Variants in TBC1D19 observed in about 807,000 individuals in gnomAD.
TBC1D19 encodes TBC1 domain family, member 19.
In TBC1D19, 60 loss-of-function variants were observed where a neutral mutation model predicts 89.0. That is an observed-to-expected ratio of 0.67 (90% CI 0.55 to 0.84). TBC1D19 has a LOEUF of 0.84. Among genes scored for constraint, TBC1D19 ranks in the 40% least tolerant of loss-of-function variants. The probability of loss-of-function intolerance (pLI) is 0.00; values close to 1 mark genes in which losing one functional copy is unlikely to be tolerated. For synonymous variants in TBC1D19, 189 were observed against 199.7 expected, an observed-to-expected ratio of 0.95 and a Z score of 0.45; for missense variants, 500 against 610.8, an observed-to-expected ratio of 0.82 and a Z score of 1.91.
At position 26,614,448 on chromosome 4, in the gene TBC1D19, G is replaced by T; in HGVS notation, c.213G>T (p.Leu71=). The T allele has an allele frequency of 6.3e-7, 1 of 1,585,886 alleles. No homozygotes were observed. The highest frequency in any genetic ancestry group is 1.2e-5 in the South Asian group (1 of 82,530). Reference sequence around the variant, plus strand: ...TTCAGAATGCTGTTTATAGTGAACTGAGTGTGTGAGTTTTCCCACCTATTT... The same window carrying T: ...TTCAGAATGCTGTTTATAGTGAACTTAGTGTGTGAGTTTTCCCACCTATTT... ...KKLQNAVYSE[L]SVFPLPSHPA... The change falls in exon 3 of 21, where the codon CTG becomes CTT. Residue 71 remains leucine, a synonymous_variant. Coordinates refer to ENST00000264866, the MANE Select transcript of TBC1D19 (RefSeq NM_018317.4).
chr4:26,765,924 GT>G, the TBC1D19 span, among the ~76,000 whole-genome samples: 1 of 151,988 alleles, frequency 6.6e-6, no homozygotes, highest in African/African-American at 2.4e-5. Context: ...TCACTGCAAG[GT>G]TTTTTTGAAA....
the TBC1D19 span, among the ~76,000 whole-genome samples, chr4:26,805,718 G>A: frequency 1.3e-5 from 2 of 152,228 alleles, no homozygotes; most frequent in Non-Finnish European, 2.9e-5. Context: ...AAATCAGGCC[G>A]GGCACAGTGG....
chr4:26,584,878 T>A (rs1238169173), intron 1 of TBC1D19: 1 of 179,842 alleles, frequency 5.6e-6, no homozygotes, highest in East Asian at 1.7e-4. Context: ...TTGTGACTCA[T>A]ATAAATGAAA....
At chr4:26,842,499 G>C in the TBC1D19 span, among the ~76,000 whole-genome samples, 2 of 150,292 alleles carry the variant, frequency 1.3e-5, no homozygotes, top group African/African-American at 4.9e-5. Flanking sequence ...CACCACACCT[G>C]GCTTTCCTTC....
At chr4:26,700,903 A>G (rs1008643713) in intron 13 of TBC1D19, among the ~76,000 whole-genome samples, 4 of 152,184 alleles carry the variant, frequency 2.6e-5, no homozygotes, top group African/African-American at 7.2e-5. Context: ...TTTTAAAAAC[A>G]CTAATCAATT....
At chr4:26,849,201 AACACACACACAC>A in the TBC1D19 span, among the ~76,000 whole-genome samples, 6 of 149,178 alleles carry the variant, frequency 4.0e-5, no homozygotes, top group East Asian at 4.0e-4. Flanking sequence ...CACACACACA[AACACACACACAC>A]ACACACACAC....
At chr4:26,832,673 G>A in the TBC1D19 span, among the ~76,000 whole-genome samples, 6 of 152,078 alleles carry the variant, frequency 3.9e-5, no homozygotes, top group Non-Finnish European at 5.9e-5. Flanking sequence ...TGAATGAAAG[G>A]CTACCAAAAA....
chr4:26,734,994 A>G lies in TBC1D19; in HGVS notation c.1085-461A>G, dbSNP rs377178073. On this transcript the variant is annotated intron_variant, in intron 15 of 20. Transcript: ENST00000264866. ...TGTATACACATATGTATATGTATAT[A>G]TGTATACACATATGTATATGTGTAT... Among the ~76,000 whole-genome samples, 16 of 104,498 alleles carry G rather than the reference A, an allele frequency of 1.5e-4. No individual in the cohort carries two copies. The East Asian group carries it at 1.9e-3, about 12-fold the overall frequency. The allele number at this position is 104,498 out of a possible 152,430, so 68.6% of individuals were successfully genotyped here.
chr4:26,852,745 G>A, the TBC1D19 span, among the ~76,000 whole-genome samples: 33 of 151,770 alleles, frequency 2.2e-4, no homozygotes, highest in African/African-American at 7.0e-4. Flanking sequence ...TCAGCCTCCC[G>A]AGTAGCTGGG....
At chr4:26,770,093 ACT>A in the TBC1D19 span, among the ~76,000 whole-genome samples, 1 of 152,048 alleles carries the variant, frequency 6.6e-6, no homozygotes, top group African/African-American at 2.4e-5. Context: ...GTAGATTAAA[ACT>A]CAACCATATC....
chr4:26,710,430 A>C (rs758214941), intron 13 of TBC1D19, among the ~76,000 whole-genome samples: 6 of 152,098 alleles, frequency 3.9e-5, no homozygotes, highest in Non-Finnish European at 5.9e-5. Context: ...CCGGTCTATC[A>C]TTGTTGGACA....
intron 4 of TBC1D19, among the ~76,000 whole-genome samples, chr4:26,621,810 G>T (rs913744336): frequency 3.1e-4 from 46 of 150,788 alleles, no homozygotes; most frequent in African/African-American, 9.0e-4. Context: ...AGAATTGTGG[G>T]TTTTTTTTTG....
intron 15 of TBC1D19, among the ~76,000 whole-genome samples, chr4:26,729,318 C>T (rs1312528524): frequency 6.6e-6 from 1 of 152,210 alleles, no homozygotes; most frequent in African/African-American, 2.4e-5. Context: ...ATGATTTACT[C>T]ATCTCTTCAT....
At chr4:26,680,255 C>T (rs1348949800) in intron 11 of TBC1D19, among the ~76,000 whole-genome samples, 1 of 152,166 alleles carries the variant, frequency 6.6e-6, no homozygotes. Context: ...ACTAATACAT[C>T]TGATATCTCA....
chr4:26,636,466 C>T (rs533341301), intron 4 of TBC1D19, among the ~76,000 whole-genome samples: 1 of 137,706 alleles, frequency 7.3e-6, no homozygotes, highest in South Asian at 2.3e-4. Flanking sequence ...CTGGCCTGGA[C>T]CTTTCAAGAA....
At chr4:26,736,678 CTT>C (rs1480328008) in intron 16 of TBC1D19, among the ~76,000 whole-genome samples, 2 of 152,242 alleles carry the variant, frequency 1.3e-5, no homozygotes, top group Non-Finnish European at 2.9e-5. Context: ...AGGTAATTCT[CTT>C]AAGAGTTTTT....
the TBC1D19 span, among the ~76,000 whole-genome samples, chr4:26,831,553 T>A: frequency 6.6e-6 from 1 of 151,798 alleles, no homozygotes; most frequent in Admixed American, 6.6e-5. Context: ...CCCTTTATTT[T>A]CCTTTTTCTT....
intron 1 of TBC1D19, among the ~76,000 whole-genome samples, chr4:26,599,771 C>G (rs1740471404): frequency 6.6e-6 from 1 of 151,856 alleles, no homozygotes; most frequent in Admixed American, 6.6e-5. Flanking sequence ...CACAGTGAAG[C>G]CATGTCTCTA....
intron 17 of TBC1D19, 55 bp from the exon 18 acceptor site, chr4:26,742,449 ATAGT>A: frequency 7.4e-7 from 1 of 1,354,380 alleles, no homozygotes; most frequent in East Asian, 2.5e-5. Flanking sequence ...ATTTGTTGGC[ATAGT>A]TAATTTTTAA....
Sources: allele counts gnomAD v4.1 joint callset (sites outside exome capture counted in the v4.1 genomes callset), GRCh38; gene constraint gnomAD v4.1.1; transcripts MANE v1.5; gene names NCBI Gene and HGNC (gene_info 2026-07-23, HGNC 2026-07-21).